MCM5: variants seen among roughly 807,000 people sequenced by gnomAD.
MCM5 encodes minichromosome maintenance complex component 5.
In MCM5, 46 loss-of-function variants were observed where a neutral mutation model predicts 79.9. That is an observed-to-expected ratio of 0.58 (90% CI 0.45 to 0.74). MCM5 has a LOEUF of 0.74. Among genes scored for constraint, MCM5 ranks in the 30% least tolerant of loss-of-function variants. The pLI is 0.00. For synonymous variants in MCM5, 404 were observed against 390.5 expected, an observed-to-expected ratio of 1.03 and a Z score of -0.41; for missense variants, 883 against 1,017.0, an observed-to-expected ratio of 0.87 and a Z score of 1.79.
chr22:35,441,921 G>C, the MCM5 span, among the ~76,000 whole-genome samples: 6 of 152,092 alleles, frequency 3.9e-5, no homozygotes, highest in Non-Finnish European at 5.9e-5. Context: ...CGGGCCTCTT[G>C]ATCCGGTTCA....
At chr22:35,454,327 T>G in the MCM5 span, among the ~76,000 whole-genome samples, 5 of 152,216 alleles carry the variant, frequency 3.3e-5, no homozygotes, top group South Asian at 1.0e-3. Context: ...CCTGGGGAAA[T>G]TTGTTGCCCT....
At chr22:35,419,075 C>T (rs907872666) in intron 13 of MCM5, among the ~76,000 whole-genome samples, 3 of 152,130 alleles carry the variant, frequency 2.0e-5, no homozygotes, top group Non-Finnish European at 4.4e-5. Flanking sequence ...TGATTCAGCA[C>T]CTCTGCCAGG....
chr22:35,434,392 T>C, the MCM5 span, among the ~76,000 whole-genome samples: 1 of 152,100 alleles, frequency 6.6e-6, no homozygotes, highest in South Asian at 2.1e-4. Context: ...TAACCTGAAC[T>C]CCCCACCCTC....
the MCM5 span, among the ~76,000 whole-genome samples, chr22:35,441,623 T>G: frequency 6.6e-6 from 1 of 150,694 alleles, no homozygotes; most frequent in Non-Finnish European, 1.5e-5. Flanking sequence ...GCAGTGGGGG[T>G]ATATGGGCAG....
the MCM5 span, among the ~76,000 whole-genome samples, chr22:35,436,604 G>A: frequency 6.6e-6 from 1 of 152,178 alleles, no homozygotes; most frequent in African/African-American, 2.4e-5. Context: ...CCCTGGCTTC[G>A]TGCCCTCTCC....
intron 4 of MCM5, among the ~76,000 whole-genome samples, chr22:35,403,908 G>C (rs1932136359): frequency 6.7e-6 from 1 of 150,122 alleles, no homozygotes; most frequent in Non-Finnish European, 1.5e-5. Flanking sequence ...TTGATACCGG[G>C]AGTTTGAGAC....
intron 14 of MCM5, among the ~76,000 whole-genome samples, chr22:35,420,836 C>T (rs1003661003): frequency 1.8e-4 from 27 of 152,276 alleles, no homozygotes; most frequent in African/African-American, 6.5e-4. Flanking sequence ...AGACTAAAAA[C>T]TGGGGTTCCA....
intron 8 of MCM5, among the ~76,000 whole-genome samples, chr22:35,413,333 C>T (rs567605825): frequency 3.9e-5 from 6 of 152,186 alleles, no homozygotes; most frequent in East Asian, 1.9e-4. Context: ...CGTGAGCCAC[C>T]GCACCCGGCC....
chr22:35,406,549 A>G lies in MCM5; in HGVS notation c.424-4A>G, dbSNP rs1012015509. ...CAACAAGCTTCCCGATGGCTCTATT[A>G]CAGTCGGACATGATGTCACACCTGG... On this transcript the variant is annotated splice_region_variant and splice_polypyrimidine_tract_variant and intron_variant, in intron 4 of 16. Coordinates refer to ENST00000216122, the MANE Select transcript of MCM5 (RefSeq NM_006739.4). 18 of 1,612,392 alleles carry G rather than the reference A, an allele frequency of 1.1e-5. No homozygotes were observed. The highest frequency in any genetic ancestry group is 2.7e-5 in the African/African-American group (2 of 74,982).
chr22:35,418,805 C>T (rs749296365), intron 13 of MCM5, among the ~76,000 whole-genome samples: 7 of 152,158 alleles, frequency 4.6e-5, no homozygotes, highest in Non-Finnish European at 8.8e-5. Flanking sequence ...CCAAAACCTA[C>T]CAGGTAAGGT....
chr22:35,421,925 G>A, intron 15 of MCM5: 1 of 274,208 alleles, frequency 3.6e-6, no homozygotes, highest in South Asian at 3.9e-5. Context: ...TCGCTTGGCT[G>A]GAATGCAAGT....
chr22:35,401,269 G>A (rs1932040768), intron 2 of MCM5: 3 of 397,134 alleles, frequency 7.6e-6, no homozygotes, highest in South Asian at 3.7e-5. Flanking sequence ...ATCCTTCCAT[G>A]TCATGTCTGA....
At chr22:35,421,243 C>T in intron 14 of MCM5, 75 bp from the exon 15 acceptor site, 10 of 1,508,552 alleles carry the variant, frequency 6.6e-6, no homozygotes, top group Non-Finnish European at 8.9e-6. Context: ...GCAAGCACCT[C>T]CCTGGTAACG....
chr22:35,401,208 GA>G (rs1932038541), intron 2 of MCM5, among the ~76,000 whole-genome samples: 1 of 152,204 alleles, frequency 6.6e-6, no homozygotes, highest in Non-Finnish European at 1.5e-5. Context: ...GCGCCACTTG[GA>G]CCGTTTAGTT....
At chr22:35,430,522 A>G in the MCM5 span, among the ~76,000 whole-genome samples, 2 of 134,994 alleles carry the variant, frequency 1.5e-5, no homozygotes, top group Non-Finnish European at 3.1e-5. Flanking sequence ...TTTTTTTGAG[A>G]TGGAGTCTCG....
At chr22:35,450,686 C>T in the MCM5 span, among the ~76,000 whole-genome samples, 2 of 152,164 alleles carry the variant, frequency 1.3e-5, no homozygotes, top group South Asian at 2.1e-4. Flanking sequence ...CCGGTCCCCA[C>T]GGCAACACGT....
chr22:35,411,052 T>A, intron 7 of MCM5, 142 bp downstream of exon 7: 2 of 740,916 alleles, frequency 2.7e-6, no homozygotes, highest in South Asian at 2.1e-5. Context: ...ATTTTTATAT[T>A]AAGTGATCCC....
chr22:35,442,486 T>C, the MCM5 span, among the ~76,000 whole-genome samples: 5 of 152,228 alleles, frequency 3.3e-5, no homozygotes, highest in Non-Finnish European at 7.3e-5. Context: ...AGTCAAAGTA[T>C]GAAAGTGCAG....
In MCM5 at chr22:35,424,448, C is replaced by T; in HGVS notation, c.*193C>T. The T allele has an allele frequency of 3.8e-6, 2 of 524,960 alleles. No individual in the cohort carries two copies. The highest frequency in any genetic ancestry group is 6.7e-6 in the Non-Finnish European group (2 of 297,948). The allele number at this position is 524,960 out of a possible 1,614,324, so 32.5% of individuals were successfully genotyped here. A position where few individuals can be genotyped will look rare whatever the true frequency, so the allele number is the denominator to read the frequency against. ...CTGGGCGCCCGCCTCTAGCGCGGTT[C>T]TGGGAAGTGTGCTTTTGGCATCCGT... is the stretch of plus-strand genomic sequence containing the variant. On this transcript the variant is annotated 3_prime_UTR_variant, in exon 17 of 17. Transcript: ENST00000216122.
Sources: gnomAD v4.1 joint callset for allele counts (sites outside exome capture counted in the v4.1 genomes callset) on GRCh38, gnomAD v4.1.1 for gene constraint, MANE v1.5 for transcripts, NCBI Gene and HGNC (gene_info 2026-07-23, HGNC 2026-07-21) for gene names.